Variants in PSME4 observed in about 807,000 individuals in gnomAD.
PSME4 encodes the protein proteasome activator complex subunit 4.
In PSME4, 89 loss-of-function variants were observed where a neutral mutation model predicts 253.9. The ratio of observed to expected loss-of-function variants is 0.35; its 90% CI spans 0.30 to 0.42. The LOEUF is 0.42. Ranked by LOEUF, PSME4 falls within the 10% of genes least tolerant of loss-of-function variation. The probability of loss-of-function intolerance (pLI) is 1.00; values close to 1 mark genes in which losing one functional copy is unlikely to be tolerated. For missense variants in PSME4, 2,014 were observed against 2,195.2 expected (o/e 0.92, Z 1.65); for synonymous variants, 851 against 759.2 (o/e 1.12, Z -1.99).
chr2:53,924,540 A>C lies in PSME4; in HGVS notation c.1809+999T>G, dbSNP rs143970046. Among the ~76,000 whole-genome samples the C allele has an allele frequency of 1.8e-4, 27 of 152,334 alleles. No homozygotes were observed. In the East Asian group the frequency reaches 4.6e-3, roughly 26 times the overall value. On this transcript the variant is annotated intron_variant, in intron 14 of 46. Transcript: ENST00000404125. The stretch of plus-strand genomic sequence containing the variant: ...CAGTTAGTCTTAGGATTTAATTTCT[A>C]TCATGGGAGTGATGTCATAAGCAAT...
At chr2:53,960,399 A>C (rs1670431181) in intron 1 of PSME4, among the ~76,000 whole-genome samples, 1 of 128,764 alleles carries the variant, frequency 7.8e-6, no homozygotes, top group Non-Finnish European at 1.6e-5. Flanking sequence ...ACTCCATCTC[A>C]AAAAAAAAAA....
Position 53,931,147 on chromosome 2 carries a change from G to A in PSME4, c.1316+688C>T, listed in dbSNP as rs533737658. On this transcript the variant is annotated intron_variant, in intron 10 of 46. Transcript: ENST00000404125. ...ACAAAAATTAGCTGGGTGTGGTGGC[G>A]GGCGCCTGTGATCCCACCTACTCAG... is the stretch of plus-strand genomic sequence containing the variant. 9.9e-5 allele frequency among the ~76,000 whole-genome samples: 15 copies of A among 152,202 alleles called. No individual in the cohort carries two copies. The South Asian group carries it at 2.3e-3, about 23-fold the overall frequency.
chr2:53,872,347 C>T (rs1678916520), intron 43 of PSME4, among the ~76,000 whole-genome samples: 1 of 151,922 alleles, frequency 6.6e-6, no homozygotes, highest in Non-Finnish European at 1.5e-5. Context: ...ATTGTTTTTC[C>T]CCATACTATC....
At chr2:53,906,482 A>G in intron 26 of PSME4, 116 bp downstream of exon 26, 6 of 1,350,404 alleles carry the variant, frequency 4.4e-6, no homozygotes, top group Non-Finnish European at 5.8e-6. Context: ...AATAATTGAG[A>G]GAATAATTCC....
chr2:53,964,185 G>T (rs560254951), intron 1 of PSME4, among the ~76,000 whole-genome samples: 5 of 152,000 alleles, frequency 3.3e-5, no homozygotes, highest in Admixed American at 1.3e-4. Context: ...AAAACAGTAA[G>T]GGCCTCAAAT....
chr2:53,962,545 C>T (rs534613786), intron 1 of PSME4, among the ~76,000 whole-genome samples: 11 of 152,270 alleles, frequency 7.2e-5, no homozygotes, highest in Non-Finnish European at 1.3e-4. Context: ...TCAAACGGTA[C>T]ATTTCTTTTT....
chr2:53,908,804 G>A lies in PSME4; in HGVS notation c.2609C>T (p.Thr870Ile). Residue 870 changes from threonine (T) to isoleucine (I), a missense_variant, in exon 22 of 47, where the codon ACA (threonine) becomes ATA (isoleucine). By Grantham distance (89) the Thr-to-Ile change is moderately conservative. Coordinates refer to ENST00000404125, the MANE Select transcript of PSME4 (RefSeq NM_014614.3). The part of the protein sequence containing the change: ...SRENHREVIA[T>I]VIRKLLNHIL... Reference sequence around the variant, plus strand: ...CTTACTAAGAAGTTTCCTTATAACTGTAGCAATTACTTCTCGGTGGTTCTC... The same window carrying A: ...CTTACTAAGAAGTTTCCTTATAACTATAGCAATTACTTCTCGGTGGTTCTC... 6 of 1,602,712 alleles carry A rather than the reference G, an allele frequency of 3.7e-6. No homozygotes were observed. The highest frequency in any genetic ancestry group is 1.7e-5 in the Admixed American group (1 of 59,190).
At position 53,917,184 on chromosome 2, in the gene PSME4, T is replaced by A. The variant is rs1668099235; in HGVS notation, c.2516+1967A>T. The A allele has an allele frequency of 3.2e-5, 5 of 154,542 alleles. No individual in the cohort carries two copies. The South Asian group carries it at 9.5e-4, about 29-fold the overall frequency. The allele number at this position is 154,542 out of a possible 1,614,324, so 9.6% of individuals were successfully genotyped here. A position where few individuals can be genotyped will look rare whatever the true frequency, so the allele number is the denominator to read the frequency against. ...ATTTTCACTCTAAATGTGCAAGTGC[T>A]AAAACGCAAAACCTTTCAGGCTAAA... On this transcript the variant is annotated intron_variant, in intron 20 of 46. Transcript: ENST00000404125.
At chr2:53,928,077 C>G in intron 11 of PSME4, 40 bp downstream of exon 11, 1 of 1,500,182 alleles carries the variant, frequency 6.7e-7, no homozygotes, top group East Asian at 2.3e-5. Flanking sequence ...TACTTTGCCT[C>G]CTACCTAAAT....
chr2:53,899,934 T>A lies in PSME4; in HGVS notation c.3369A>T (p.Glu1123Asp). 1 of 1,613,700 alleles carries A rather than the reference T, an allele frequency of 6.2e-7. No individual in the cohort carries two copies. The highest frequency in any genetic ancestry group is 8.5e-7 in the Non-Finnish European group (1 of 1,179,584). ...PSINQILLSP[E>D]KIKEGIKRQQ... ...GGCGTTTAATTCCTTCCTTAATTTT[T>A]TCTGGGCTAAGCAATATCTGGTTGA... Residue 1123 changes from glutamate to aspartate, a missense_variant, in exon 29 of 47, where the codon GAA (glutamate) becomes GAT (aspartate). By Grantham distance (45) the Glu-to-Asp change is conservative. Coordinates refer to ENST00000404125, the MANE Select transcript of PSME4 (RefSeq NM_014614.3).
intron 42 of PSME4, 92 bp from the exon 43 acceptor site, chr2:53,874,586 T>G: frequency 8.0e-7 from 1 of 1,242,884 alleles, no homozygotes; most frequent in South Asian, 1.3e-5. Flanking sequence ...AATGTAATAT[T>G]CTAATTTAAC....
At chr2:53,913,190 T>A (rs1401917152) in intron 20 of PSME4, among the ~76,000 whole-genome samples, 1 of 152,208 alleles carries the variant, frequency 6.6e-6, no homozygotes, top group African/African-American at 2.4e-5. Flanking sequence ...ATCTGCTTCA[T>A]AGCTTCTAGA....
Position 53,943,579 on chromosome 2 carries a change from G to T in PSME4, c.501-3579C>A, listed in dbSNP as rs2104471386. Among the ~76,000 whole-genome samples the T allele has an allele frequency of 1.3e-5, 2 of 152,194 alleles. 1 individual carries two copies. Among genetic ancestry groups the T allele is most frequent in the South Asian group, 4.1e-4 (2 of 4,822 alleles). Reference sequence around the variant, plus strand: ...AAATACGCCAGGTGCAGTGGCTCATGCCTGTAATCCCAGCATTTTGGGAAG... The same window carrying T: ...AAATACGCCAGGTGCAGTGGCTCATTCCTGTAATCCCAGCATTTTGGGAAG... On this transcript the variant is annotated intron_variant, in intron 3 of 46. Coordinates refer to ENST00000404125, the MANE Select transcript of PSME4 (RefSeq NM_014614.3).
chr2:53,877,018 C>T (rs1410430542), intron 41 of PSME4, among the ~76,000 whole-genome samples: 2 of 151,894 alleles, frequency 1.3e-5, no homozygotes, highest in Non-Finnish European at 2.9e-5. Flanking sequence ...CCAGTGTACC[C>T]AGTATCCGTA....
intron 31 of PSME4, among the ~76,000 whole-genome samples, chr2:53,897,609 C>T (rs1459850912): frequency 1.3e-5 from 2 of 152,128 alleles, no homozygotes; most frequent in Non-Finnish European, 2.9e-5. Flanking sequence ...CACTGCACAC[C>T]TAATTTTCTA....
chr2:53,909,454 T>C (rs180694404), intron 21 of PSME4, among the ~76,000 whole-genome samples: 62 of 152,284 alleles, frequency 4.1e-4, no homozygotes, highest in Admixed American at 1.2e-3. Flanking sequence ...AACATATAAG[T>C]GCTAGAATAA....
chr2:53,887,151 T>C, intron 40 of PSME4, 108 bp downstream of exon 40: 1 of 1,014,824 alleles, frequency 9.9e-7, no homozygotes, highest in Non-Finnish European at 1.5e-6. Context: ...AAACAGTAAA[T>C]TTTTCATTAT....
At position 53,895,685 on chromosome 2, in the gene PSME4, T is replaced by A; in HGVS notation, c.3740A>T (p.His1247Leu). Reference protein sequence around the residue: ...QIIAGDRPDNHWLHYDSKTIP... With the variant: ...QIIAGDRPDNLWLHYDSKTIP... Reference sequence around the variant, plus strand: ...AGTTTTGCTGTCATAATGCAACCAATGATTATCAGGCCTATCACCAGCAAT... The same window carrying A: ...AGTTTTGCTGTCATAATGCAACCAAAGATTATCAGGCCTATCACCAGCAAT... The change falls in exon 33 of 47, where the codon CAT becomes CTT. Residue 1247 changes from histidine (H) to leucine (L), a missense_variant. Around this residue, in one of 4 missense-constraint regions of PSME4, gnomAD observed 989 missense variants for 1,021.1 expected, o/e 0.97. Transcript: ENST00000404125. 6.2e-7 allele frequency: 1 copy of A among 1,613,390 alleles called. No homozygotes were observed. The highest frequency in any genetic ancestry group is 8.5e-7 in the Non-Finnish European group (1 of 1,179,650).
intron 44 of PSME4, 90 bp from the exon 45 acceptor site, chr2:53,866,970 G>A (rs1243818685): frequency 8.0e-7 from 1 of 1,247,146 alleles, no homozygotes; most frequent in East Asian, 2.5e-5. Flanking sequence ...CAATTGTGTT[G>A]TTTTCAATAT....
Sources: gnomAD v4.1 joint callset for allele counts (sites outside exome capture counted in the v4.1 genomes callset) on GRCh38, gnomAD v4.1.1 for gene constraint, gnomAD v4.1.1 regional missense constraint, MANE v1.5 for transcripts, NCBI Gene and HGNC (gene_info 2026-07-23, HGNC 2026-07-21) for gene names.